GRAMD1C: variants seen among roughly 807,000 people sequenced by gnomAD.
GRAMD1C encodes the protein protein Aster-C.
In GRAMD1C, 89 loss-of-function variants were observed where a neutral mutation model predicts 97.8. The ratio of observed to expected loss-of-function variants is 0.91; its 90% CI spans 0.77 to 1.09. The LOEUF (loss-of-function observed/expected upper bound fraction) is 1.09. Ranked by LOEUF, GRAMD1C falls within the 50% of genes least tolerant of loss-of-function variation. The probability of loss-of-function intolerance (pLI) is 0.00; values close to 1 mark genes in which losing one functional copy is unlikely to be tolerated. For missense variants in GRAMD1C, 740 were observed against 766.4 expected, an observed-to-expected ratio of 0.97 and a Z score of 0.41; for synonymous variants, 256 against 267.0, an observed-to-expected ratio of 0.96 and a Z score of 0.40.
intron 6 of GRAMD1C, among the ~76,000 whole-genome samples, chr3:113,892,922 C>T (rs1935794055): frequency 6.6e-6 from 1 of 152,006 alleles, no homozygotes; most frequent in African/African-American, 2.4e-5. Context: ...ATGGTCTGCA[C>T]ACAATGACTA....
At chr3:113,832,323 T>A (rs907527357) in intron 1 of GRAMD1C, among the ~76,000 whole-genome samples, 5 of 152,174 alleles carry the variant, frequency 3.3e-5, no homozygotes, top group Non-Finnish European at 7.4e-5. Context: ...CCACTGTGCC[T>A]GGCATAATGC....
chr3:113,938,250 C>T, intron 15 of GRAMD1C, 107 bp downstream of exon 15: 2 of 495,458 alleles, frequency 4.0e-6, no homozygotes, highest in South Asian at 8.5e-5. Context: ...GAAATTGCCA[C>T]TATTTGACTA....
intron 6 of GRAMD1C, among the ~76,000 whole-genome samples, chr3:113,885,081 C>T (rs1311545939): frequency 2.0e-5 from 3 of 151,952 alleles, no homozygotes; most frequent in Admixed American, 6.5e-5. Flanking sequence ...TGTGGGCCCC[C>T]GCGGGCTGCC....
At chr3:113,908,058 C>T (rs956235346) in intron 8 of GRAMD1C, among the ~76,000 whole-genome samples, 7 of 152,166 alleles carry the variant, frequency 4.6e-5, no homozygotes, top group Non-Finnish European at 7.3e-5. Context: ...ATTCTGCTAT[C>T]TGGGTGGCCA....
chr3:113,919,917 T>A lies in GRAMD1C; in HGVS notation c.1090+4079T>A, dbSNP rs1936971425. The A allele has an allele frequency of 6.1e-6, 4 of 653,526 alleles. No homozygotes were observed. The Admixed American group carries it at 7.4e-5, about 12-fold the overall frequency. 40.5% of individuals were successfully genotyped at this position (653,526 alleles called of 1,614,324 possible). A position where few individuals can be genotyped will look rare whatever the true frequency, so the allele number is the denominator to read the frequency against. On this transcript the variant is annotated intron_variant, in intron 10 of 17. Coordinates refer to ENST00000358160, the MANE Select transcript of GRAMD1C (RefSeq NM_017577.5). ...GCAGAAACAGAAACATCACCAAATA[T>A]GAAATAATGGATGGTGCACCAGTAA... is the stretch of plus-strand genomic sequence containing the variant.
chr3:113,851,196 AC>A (rs370258233), intron 2 of GRAMD1C, among the ~76,000 whole-genome samples: 6 of 152,186 alleles, frequency 3.9e-5, no homozygotes, highest in Admixed American at 1.3e-4. Context: ...AATTAAGTTT[AC>A]TCAGGGGTCC....
intron 6 of GRAMD1C, among the ~76,000 whole-genome samples, chr3:113,891,459 T>A (rs1935720804): frequency 6.6e-6 from 1 of 152,098 alleles, no homozygotes; most frequent in African/African-American, 2.4e-5. Context: ...CCACATTGGT[T>A]AAATTTCTTG....
chr3:113,876,176 T>G lies in GRAMD1C; in HGVS notation c.375T>G (p.Ala125=). The part of the protein sequence containing the change: ...IFRWETTISI[A]LKNITFMTKE... ...TTTTGTGTGTTTAGATTTCTATTGC[T>G]TTAAAGAATATAACCTTCATGACCA... is the stretch of plus-strand genomic sequence containing the variant. The change falls in exon 5 of 18, where the codon GCT becomes GCG. Residue 125 remains alanine (A), a synonymous_variant. Transcript: ENST00000358160. 1.9e-6 allele frequency: 3 copies of G among 1,558,198 alleles called. No homozygotes were observed. The highest frequency in any genetic ancestry group is 2.6e-6 in the Non-Finnish European group (3 of 1,132,220).
chr3:113,902,025 AT>A (rs1936190630), intron 7 of GRAMD1C, among the ~76,000 whole-genome samples: 1 of 152,138 alleles, frequency 6.6e-6, no homozygotes, highest in Non-Finnish European at 1.5e-5. Flanking sequence ...GGTGATGACA[AT>A]GTTCTACAAT....
intron 1 of GRAMD1C, among the ~76,000 whole-genome samples, chr3:113,840,786 C>T (rs1709764522): frequency 6.6e-6 from 1 of 152,170 alleles, no homozygotes; most frequent in African/African-American, 2.4e-5. Flanking sequence ...AGGCCTTACA[C>T]TATGTGTGGC....
chr3:113,838,347 G>T (rs929254695), upstream of GRAMD1C: 1 of 152,438 alleles, frequency 6.6e-6, no homozygotes, highest in East Asian at 1.9e-4. Context: ...CAAGGCCAGC[G>T]GATTGCCTGA....
At chr3:113,861,798 A>G (rs905153988) in intron 2 of GRAMD1C, among the ~76,000 whole-genome samples, 2 of 152,196 alleles carry the variant, frequency 1.3e-5, no homozygotes, top group African/African-American at 2.4e-5. Context: ...CTACAATGGT[A>G]TTGGGGAACC....
chr3:113,915,336 T>C (rs1339336477), intron 9 of GRAMD1C, among the ~76,000 whole-genome samples: 1 of 152,214 alleles, frequency 6.6e-6, no homozygotes, highest in Admixed American at 6.5e-5. Context: ...TGTTAGATAC[T>C]ATCTTATGTG....
intron 6 of GRAMD1C, among the ~76,000 whole-genome samples, chr3:113,893,202 A>T (rs750585985): frequency 3.9e-5 from 6 of 152,090 alleles, no homozygotes; most frequent in Non-Finnish European, 7.4e-5. Flanking sequence ...ACAGTACTAC[A>T]GCCAAAGTTA....
At chr3:113,899,952 T>A (rs1161062701) in intron 6 of GRAMD1C, among the ~76,000 whole-genome samples, 1 of 152,164 alleles carries the variant, frequency 6.6e-6, no homozygotes, top group Non-Finnish European at 1.5e-5. Flanking sequence ...ATAAGATTTT[T>A]AAAGTGGTTA....
chr3:113,831,160 A>C (rs1170605880), intron 1 of GRAMD1C, among the ~76,000 whole-genome samples: 1 of 152,224 alleles, frequency 6.6e-6, no homozygotes, highest in African/African-American at 2.4e-5. Flanking sequence ...AAAGTTTTCC[A>C]GTTGTCCCAG....
intron 10 of GRAMD1C, among the ~76,000 whole-genome samples, chr3:113,924,918 T>C (rs1395988259): frequency 1.3e-5 from 2 of 152,172 alleles, no homozygotes; most frequent in Admixed American, 1.3e-4. Context: ...TCTTTGTAGG[T>C]CTCTAAGAAC....
At position 113,934,631 on chromosome 3, in the gene GRAMD1C, C is replaced by G. The variant is rs1937542591; in HGVS notation, c.1456+96C>G. The G allele has an allele frequency of 4.8e-5, 31 of 640,186 alleles. No individual in the cohort carries two copies. In the South Asian group the frequency reaches 6.9e-4, roughly 14 times the overall value. The allele number at this position is 640,186 out of a possible 1,614,324, so 39.7% of individuals were successfully genotyped here. On this transcript the variant is annotated intron_variant, in intron 13 of 17. Transcript: ENST00000358160. Reference sequence around the variant, plus strand: ...TTTAGATTTGTAACAGAAAACTGGTCAATGATGTTGGAAAGACTCCCATGA... The same window carrying G: ...TTTAGATTTGTAACAGAAAACTGGTGAATGATGTTGGAAAGACTCCCATGA...
chr3:113,885,738 A>G, intron 6 of GRAMD1C: 1 of 1,570,932 alleles, frequency 6.4e-7, no homozygotes, highest in East Asian at 2.2e-5. Flanking sequence ...ACTGGACAAT[A>G]GCAGAAGCAT....
Sources: allele counts gnomAD v4.1 joint callset (sites outside exome capture counted in the v4.1 genomes callset), GRCh38; gene constraint gnomAD v4.1.1; transcripts MANE v1.5; gene names NCBI Gene and HGNC (gene_info 2026-07-23, HGNC 2026-07-21).